The following RAB27A variants were observed in gnomAD, a reference collection of about 807,000 sequenced individuals.
RAB27A encodes the protein RAB27A, member RAS oncogene family.
RAB27A carries 17 observed loss-of-function variants against 20.8 expected under a neutral mutation model. The ratio of observed to expected loss-of-function variants is 0.82; its 90% CI spans 0.56 to 1.23. The LOEUF (loss-of-function observed/expected upper bound fraction) is 1.23, where lower values mean the gene tolerates loss of function less well. Among genes scored for constraint, RAB27A ranks in the 50% most tolerant of loss-of-function variants. RAB27A has a pLI of 0.00. For synonymous variants in RAB27A, 85 were observed against 92.8 expected (o/e 0.92, Z 0.48); for missense variants, 277 against 266.7 (o/e 1.04, Z -0.27).
rs1897083116 is a variant in RAB27A at position 55,256,477 on chromosome 15, G to A, written c.-23+13688C>T. 3.9e-5 allele frequency among the ~76,000 whole-genome samples: 6 copies of A among 152,174 alleles called. No individual in the cohort carries two copies. The South Asian group carries it at 1.2e-3, about 31-fold the overall frequency. ...CAAAGCAAGAGCCAGGACCTGAGCT[G>A]AGCACCTTCTTCAAAGCCAGGCAAG... On this transcript the variant is annotated intron_variant, in intron 2 of 6. Coordinates refer to ENST00000336787, the MANE Select transcript of RAB27A (RefSeq NM_183235.3).
chr15:55,261,169 C>T (rs1273919815), intron 2 of RAB27A, among the ~76,000 whole-genome samples: 2 of 151,798 alleles, frequency 1.3e-5, no homozygotes, highest in African/African-American at 2.4e-5. Context: ...GAGGCCGAGG[C>T]GGGTGGATCA....
At chr15:55,213,159 T>C (rs1895109512) in intron 6 of RAB27A, among the ~76,000 whole-genome samples, 1 of 152,210 alleles carries the variant, frequency 6.6e-6, no homozygotes, top group Non-Finnish European at 1.5e-5. Context: ...AGCAAAGTTA[T>C]TTTATTATCT....
chr15:55,230,957 C>A (rs1896009460), intron 3 of RAB27A, among the ~76,000 whole-genome samples: 1 of 152,080 alleles, frequency 6.6e-6, no homozygotes, highest in Non-Finnish European at 1.5e-5. Context: ...AGTTTTTCAG[C>A]CCCTCTCCCA....
chr15:55,244,155 A>G (rs1896599544), intron 2 of RAB27A, among the ~76,000 whole-genome samples: 1 of 151,980 alleles, frequency 6.6e-6, no homozygotes, highest in African/African-American at 2.4e-5. Context: ...ACAAAAATAC[A>G]AAAATACAAA....
At chr15:55,214,536 T>G (rs1352535032) in intron 6 of RAB27A, among the ~76,000 whole-genome samples, 1 of 152,256 alleles carries the variant, frequency 6.6e-6, no homozygotes, top group East Asian at 1.9e-4. Context: ...GTTGCTCCCC[T>G]AACTCCACCA....
chr15:55,274,921 T>G (rs944184203), intron 1 of RAB27A, among the ~76,000 whole-genome samples: 1 of 148,940 alleles, frequency 6.7e-6, no homozygotes. Context: ...GTGTTACAAC[T>G]GATACCACAG....
At chr15:55,312,163 C>T (rs1225278942) in intron 2 of RAB27A, among the ~76,000 whole-genome samples, 8 of 152,232 alleles carry the variant, frequency 5.3e-5, no homozygotes, top group Non-Finnish European at 5.9e-5. Flanking sequence ...CAATGGGCGC[C>T]TCGCTGGATC....
intron 1 of RAB27A, among the ~76,000 whole-genome samples, chr15:55,283,128 T>C (rs1213096688): frequency 6.6e-6 from 1 of 152,070 alleles, no homozygotes; most frequent in Non-Finnish European, 1.5e-5. Flanking sequence ...CTGTTGACAT[T>C]TTAGGCAGGA....
intron 2 of RAB27A, among the ~76,000 whole-genome samples, chr15:55,298,408 AACC>A (rs1374095218): frequency 6.6e-6 from 1 of 152,116 alleles, no homozygotes; most frequent in African/African-American, 2.4e-5. Flanking sequence ...GAGCTGCAAA[AACC>A]ACCAAGTTTT....
At chr15:55,268,063 G>C (rs1427538017) in intron 2 of RAB27A, among the ~76,000 whole-genome samples, 1 of 152,150 alleles carries the variant, frequency 6.6e-6, no homozygotes, top group Non-Finnish European at 1.5e-5. Context: ...AGCCAAGATG[G>C]GGGTAAACTC....
intron 2 of RAB27A, among the ~76,000 whole-genome samples, chr15:55,256,870 C>G (rs558560582): frequency 6.6e-6 from 1 of 152,284 alleles, no homozygotes; most frequent in Non-Finnish European, 1.5e-5. Flanking sequence ...ATTCCAGGTT[C>G]AAAGTTCAAA....
At chr15:55,210,687 G>A in intron 6 of RAB27A, among the ~76,000 whole-genome samples, 1 of 152,090 alleles carries the variant, frequency 6.6e-6, no homozygotes, top group East Asian at 1.9e-4. Flanking sequence ...CAGATGGGTA[G>A]TTTGCAAATA....
At position 55,270,323 on chromosome 15, in the gene RAB27A, G is replaced by C. The variant is rs1022828115; in HGVS notation, c.-142-39C>G. The C allele has an allele frequency of 2.0e-5, 3 of 152,112 alleles. 1 individual carries two copies. The highest frequency in any genetic ancestry group is 7.2e-5 in the African/African-American group (3 of 41,394). 9.4% of individuals were successfully genotyped at this position (152,112 alleles called of 1,614,324 possible). On this transcript the variant is annotated intron_variant, in intron 1 of 6. Coordinates refer to ENST00000336787, the MANE Select transcript of RAB27A (RefSeq NM_183235.3). ...AAAGAGAAATGTTAAAGTCAGAATG[G>C]CCTACTTAAAAAGTTTTTCAAAAGA... is the stretch of plus-strand genomic sequence containing the variant.
Position 55,310,577 on chromosome 15 carries a change from C to T in RAB27A, c.-112+3462G>A, listed in dbSNP as rs375475270. Among the ~76,000 whole-genome samples the T allele has an allele frequency of 1.9e-3, 283 of 152,220 alleles. 4 individuals carry two copies. The highest frequency in any genetic ancestry group is 6.3e-3 in the African/African-American group (260 of 41,528). ...CTGAAAGCAAGCCCTATTAGGCATT[C>T]GATTTGCCCAGCTTTTCCCTTTTCC... On this transcript the variant is annotated intron_variant, in intron 2 of 5. Coordinates refer to the RAB27A transcript ENST00000563262.
At chr15:55,223,457 C>T (rs956772951) in intron 6 of RAB27A, among the ~76,000 whole-genome samples, 8 of 150,392 alleles carry the variant, frequency 5.3e-5, no homozygotes, top group African/African-American at 1.7e-4. Flanking sequence ...TGCAGTGAGC[C>T]GAGATTGTGC....
intron 2 of RAB27A, among the ~76,000 whole-genome samples, chr15:55,299,825 T>TC (rs1481310912): frequency 1.3e-5 from 2 of 151,174 alleles, no homozygotes; most frequent in Non-Finnish European, 2.9e-5. Flanking sequence ...TCTTTTTTTT[T>TC]CTTTTTTTTT....
intron 6 of RAB27A, among the ~76,000 whole-genome samples, chr15:55,209,098 G>C (rs1437147411): frequency 6.6e-6 from 1 of 151,916 alleles, no homozygotes; most frequent in African/African-American, 2.4e-5. Context: ...AGTATACTTG[G>C]GATTGCCATA....
intron 6 of RAB27A, among the ~76,000 whole-genome samples, chr15:55,223,058 G>C (rs544605179): frequency 2.6e-5 from 4 of 152,120 alleles, no homozygotes; most frequent in African/African-American, 9.6e-5. Flanking sequence ...GTATTTTGCT[G>C]ACCCTCCACC....
chr15:55,260,496 A>G (rs1897234612), intron 2 of RAB27A, among the ~76,000 whole-genome samples: 1 of 152,264 alleles, frequency 6.6e-6, no homozygotes, highest in South Asian at 2.1e-4. Flanking sequence ...GATATTTATT[A>G]TAGCAGCTTT....
Sources: allele counts gnomAD v4.1 joint callset (sites outside exome capture counted in the v4.1 genomes callset), GRCh38; gene constraint gnomAD v4.1.1; transcripts MANE v1.5; gene names NCBI Gene and HGNC (gene_info 2026-07-23, HGNC 2026-07-21).